The following PDE1C variants were observed in gnomAD, a reference collection of about 807,000 sequenced individuals.
PDE1C encodes the protein phosphodiesterase 1C, also known as dual specificity calcium/calmodulin-dependent 3',5'-cyclic nucleotide phosphodiesterase 1C.
Under a neutral mutation model 93.1 loss-of-function variants are expected in PDE1C, and 62 were observed. The ratio of observed to expected loss-of-function variants is 0.67; its 90% CI spans 0.54 to 0.82. The LOEUF (loss-of-function observed/expected upper bound fraction) is 0.82. PDE1C is among the 40% of genes least tolerant of loss of function. The pLI is 0.00. For synonymous variants in PDE1C, 325 were observed against 310.1 expected (o/e 1.05, Z -0.50); for missense variants, 742 against 884.6 (o/e 0.84, Z 2.04).
At chr7:31,756,537 A>G (rs558830873) in intron 17 of PDE1C, among the ~76,000 whole-genome samples, 1 of 152,312 alleles carries the variant, frequency 6.6e-6, no homozygotes, top group East Asian at 1.9e-4. Flanking sequence ...GGACAGAAAA[A>G]TGACACTGGG....
At chr7:32,175,975 A>ATTTACATAT (rs1802959324) in intron 2 of PDE1C, among the ~76,000 whole-genome samples, 1 of 152,156 alleles carries the variant, frequency 6.6e-6, no homozygotes, top group South Asian at 2.1e-4. Flanking sequence ...CACCTGATGG[A>ATTTACATAT]TTTACATATT....
At chr7:31,778,344 C>G (rs909393394) in intron 16 of PDE1C, among the ~76,000 whole-genome samples, 2 of 152,134 alleles carry the variant, frequency 1.3e-5, no homozygotes, top group African/African-American at 4.8e-5. Context: ...CCTTCTCTGC[C>G]CGAAATGCCT....
intron 16 of PDE1C, among the ~76,000 whole-genome samples, chr7:31,803,079 T>C (rs1236892799): frequency 6.6e-6 from 1 of 151,788 alleles, no homozygotes; most frequent in East Asian, 1.9e-4. Flanking sequence ...GTTTTTATTC[T>C]TTTTTTCTAT....
chr7:31,816,002 T>C lies in PDE1C; in HGVS notation c.1735A>G (p.Thr579Ala), dbSNP rs1788206852. The C allele has an allele frequency of 1.2e-6, 2 of 1,614,050 alleles. No individual in the cohort carries two copies. The highest frequency in any genetic ancestry group is 4.5e-5 in the East Asian group (2 of 44,868). ...GGGTTGTCACTTTTGTTTGCCCGTG[T>C]TCCATTGACTTGATTCTTAGTTTCT... ...SGETKNQVNG[T>A]RANKSDNPRG... The change falls in exon 15 of 18, where the codon ACA (threonine) becomes GCA (alanine). Residue 579 changes from threonine (T) to alanine (A), a missense_variant. This residue lies in a region of PDE1C where 454 missense variants were observed against 459.4 expected (regional missense o/e 0.99). Coordinates refer to ENST00000396191, the MANE Select transcript of PDE1C (RefSeq NM_001191057.4).
At chr7:32,237,763 CTTTTT>C (rs58726659) in intron 1 of PDE1C, among the ~76,000 whole-genome samples, 6 of 104,630 alleles carry the variant, frequency 5.7e-5, no homozygotes, top group African/African-American at 1.1e-4. Context: ...TATATATATA[CTTTTT>C]TTTTTTTTTT....
intron 3 of PDE1C, among the ~76,000 whole-genome samples, chr7:32,120,361 G>A (rs1274664727): frequency 6.6e-6 from 1 of 152,194 alleles, no homozygotes; most frequent in African/African-American, 2.4e-5. Context: ...TTCCCCCCAG[G>A]CAAAGCATAC....
chr7:31,715,740 T>C, the PDE1C span, among the ~76,000 whole-genome samples: 1 of 152,210 alleles, frequency 6.6e-6, no homozygotes, highest in African/African-American at 2.4e-5. Context: ...CTATAACCCA[T>C]AGTCCTGTGC....
chr7:31,991,439 C>T (rs1784126057), intron 2 of PDE1C, among the ~76,000 whole-genome samples: 1 of 152,208 alleles, frequency 6.6e-6, no homozygotes, highest in East Asian at 1.9e-4. Flanking sequence ...AGACTAGGGT[C>T]ATGTCAGATT....
the PDE1C span, among the ~76,000 whole-genome samples, chr7:31,736,153 G>A: frequency 1.3e-5 from 2 of 152,216 alleles, no homozygotes; most frequent in African/African-American, 2.4e-5. Context: ...GGAGATGAAC[G>A]CCCATGAGAA....
At chr7:32,104,066 A>G (rs1798170678) in intron 3 of PDE1C, among the ~76,000 whole-genome samples, 1 of 152,210 alleles carries the variant, frequency 6.6e-6, no homozygotes, top group African/African-American at 2.4e-5. Flanking sequence ...CAGACATCTG[A>G]CTGAGATGAG....
At chr7:31,999,978 A>G (rs1281553588) in intron 2 of PDE1C, among the ~76,000 whole-genome samples, 3 of 152,160 alleles carry the variant, frequency 2.0e-5, no homozygotes, top group Admixed American at 6.5e-5. Context: ...TGAGAGAATC[A>G]GATTACAAAA....
chr7:32,174,797 T>C (rs1040725825), intron 2 of PDE1C, among the ~76,000 whole-genome samples: 1 of 151,790 alleles, frequency 6.6e-6, no homozygotes, highest in Non-Finnish European at 1.5e-5. Flanking sequence ...TGCTGTGGAG[T>C]AGTGACTTAT....
intron 1 of PDE1C, among the ~76,000 whole-genome samples, chr7:32,250,218 C>A (rs751197126): frequency 6.6e-6 from 1 of 152,166 alleles, no homozygotes; most frequent in Non-Finnish European, 1.5e-5. Flanking sequence ...CATCCCCCTG[C>A]CTCTGGGGTA....
At chr7:32,385,497 A>T (rs215722) in intron 1 of PDE1C, among the ~76,000 whole-genome samples, 1 of 152,122 alleles carries the variant, frequency 6.6e-6, no homozygotes, top group East Asian at 1.9e-4. Context: ...CCATTACCCT[A>T]CCAAGGTCCC....
At chr7:31,841,796 G>A (rs1026629704) in intron 9 of PDE1C, among the ~76,000 whole-genome samples, 9 of 152,012 alleles carry the variant, frequency 5.9e-5, no homozygotes, top group African/African-American at 2.2e-4. Context: ...AATTATGAAG[G>A]CTGACAAGTC....
chr7:32,410,546 C>CT (rs1235015492), intron 1 of PDE1C, among the ~76,000 whole-genome samples: 3 of 152,112 alleles, frequency 2.0e-5, no homozygotes, highest in Admixed American at 1.3e-4. Flanking sequence ...GTCTGTGCTG[C>CT]TTTTTCTCCA....
At chr7:31,660,454 G>A in the PDE1C span, among the ~76,000 whole-genome samples, 3,423 of 151,914 alleles carry the variant, frequency 0.023, 136 homozygotes, top group African/African-American at 0.078. Context: ...TACCAAGAAA[G>A]GTTAGATTGT....
intron 2 of PDE1C, among the ~76,000 whole-genome samples, chr7:31,985,839 G>C (rs1783332293): frequency 6.6e-6 from 1 of 152,110 alleles, no homozygotes; most frequent in Non-Finnish European, 1.5e-5. Context: ...ATTTGGGTTG[G>C]TTCCAAGTCT....
At chr7:31,798,541 G>C (rs939049335) in intron 16 of PDE1C, among the ~76,000 whole-genome samples, 1 of 151,698 alleles carries the variant, frequency 6.6e-6, no homozygotes, top group Non-Finnish European at 1.5e-5. Flanking sequence ...ACATAAACTA[G>C]AGTAGAAGTC....
Sources: gnomAD v4.1 joint callset for allele counts (sites outside exome capture counted in the v4.1 genomes callset) on GRCh38, gnomAD v4.1.1 for gene constraint, gnomAD v4.1.1 regional missense constraint, MANE v1.5 for transcripts, NCBI Gene and HGNC (gene_info 2026-07-23, HGNC 2026-07-21) for gene names.